The following CSMD2 variants were observed in gnomAD, a reference collection of about 807,000 sequenced individuals.
CSMD2 encodes CUB and Sushi multiple domains 2, also known as CUB and sushi domain-containing protein 2.
A neutral mutation model predicts 398.5 loss-of-function variants in CSMD2; 130 were observed. The observed-to-expected ratio is 0.33, with a 90% CI of 0.28 to 0.38. The LOEUF is 0.38. CSMD2 is among the 10% of genes least tolerant of loss of function. CSMD2 has a pLI of 1.00. For synonymous variants in CSMD2, 1,828 were observed against 1,908.5 expected, an observed-to-expected ratio of 0.96 and a Z score of 1.10; for missense variants, 3,829 against 4,764.9, an observed-to-expected ratio of 0.80 and a Z score of 5.78.
chr1:34,045,076 C>T (rs1652351745), intron 2 of CSMD2, among the ~76,000 whole-genome samples: 1 of 143,568 alleles, frequency 7.0e-6, no homozygotes, highest in African/African-American at 2.5e-5. Flanking sequence ...CACACACACA[C>T]ACCCCTACAA....
intron 13 of CSMD2, among the ~76,000 whole-genome samples, chr1:33,746,133 G>C (rs1274485096): frequency 2.6e-5 from 4 of 152,170 alleles, no homozygotes; most frequent in Non-Finnish European, 5.9e-5. Context: ...CCTCAAATCT[G>C]CTGAAGATTC....
At chr1:33,959,991 T>C (rs1411196158) in intron 3 of CSMD2, among the ~76,000 whole-genome samples, 1 of 152,218 alleles carries the variant, frequency 6.6e-6, no homozygotes, top group African/African-American at 2.4e-5. Flanking sequence ...AAGCTTTGTC[T>C]GGCAACTTGA....
At chr1:33,756,034 C>T (rs1452581792) in intron 13 of CSMD2, among the ~76,000 whole-genome samples, 2 of 152,148 alleles carry the variant, frequency 1.3e-5, no homozygotes, top group Non-Finnish European at 2.9e-5. Flanking sequence ...TCCTAAGACA[C>T]TTTGGTTCTT....
intron 7 of CSMD2, among the ~76,000 whole-genome samples, chr1:33,825,326 C>T (rs1658671177): frequency 6.6e-6 from 1 of 152,192 alleles, no homozygotes; most frequent in Non-Finnish European, 1.5e-5. Flanking sequence ...CCCCCAAGAT[C>T]CCAGCCCAAG....
At chr1:33,948,725 T>C (rs193096096) in intron 3 of CSMD2, among the ~76,000 whole-genome samples, 8 of 152,328 alleles carry the variant, frequency 5.3e-5, no homozygotes, top group African/African-American at 1.9e-4. Context: ...AAGCCAGTGT[T>C]ATATCACACA....
Position 33,559,297 on chromosome 1 carries a change from C to T in CSMD2, c.8554+3G>A, listed in dbSNP as rs1414633120. 10 of 1,534,552 alleles carry T rather than the reference C, an allele frequency of 6.5e-6. No individual in the cohort carries two copies. The highest frequency in any genetic ancestry group is 8.7e-6 in the Non-Finnish European group (10 of 1,146,740). On this transcript the variant is annotated splice_donor_region_variant and intron_variant, in intron 54 of 70. Transcript: ENST00000373381. The surrounding 1 kb of genome is among the most constrained non-coding windows in gnomAD (Gnocchi z 4.0). ...CTGGATTGGGAGAGAAAGGGTGACT[C>T]ACTTCTGCAGGTGGGCAGCATGTCA...
chr1:33,615,594 C>G (rs115431856), intron 39 of CSMD2, among the ~76,000 whole-genome samples: 2,512 of 152,306 alleles, frequency 0.016, 28 homozygotes, highest in Non-Finnish European at 0.025. Flanking sequence ...CTAGTGACAG[C>G]ACCCTTCTAA....
At chr1:33,786,888 T>C (rs2124835889) in intron 12 of CSMD2, among the ~76,000 whole-genome samples, 1 of 152,344 alleles carries the variant, frequency 6.6e-6, no homozygotes, top group South Asian at 2.1e-4. Flanking sequence ...CCTCCTGTTA[T>C]GGGGTGAACT....
At chr1:33,604,865 G>A (rs1288414527) in intron 42 of CSMD2, among the ~76,000 whole-genome samples, 1 of 152,188 alleles carries the variant, frequency 6.6e-6, no homozygotes, top group East Asian at 1.9e-4. Context: ...GGGAGCAAGA[G>A]AGTTCTTATA....
At chr1:33,689,885 T>C (rs1645177929) in intron 25 of CSMD2, among the ~76,000 whole-genome samples, 1 of 152,204 alleles carries the variant, frequency 6.6e-6, no homozygotes, top group Admixed American at 6.5e-5. Flanking sequence ...CATTTGGGTG[T>C]AGGCGGTAGG....
chr1:34,096,256 T>C (rs904566687), intron 1 of CSMD2, among the ~76,000 whole-genome samples: 1 of 151,878 alleles, frequency 6.6e-6, no homozygotes, highest in African/African-American at 2.4e-5. Flanking sequence ...TGATGGGACA[T>C]ATTTCAAAAT....
At chr1:33,672,607 G>A (rs953638637) in intron 25 of CSMD2, among the ~76,000 whole-genome samples, 1 of 152,242 alleles carries the variant, frequency 6.6e-6, no homozygotes, top group African/African-American at 2.4e-5. Flanking sequence ...CAGCTATGAA[G>A]AGAGTAGTGG....
At chr1:33,565,208 A>G (rs1334919594) in intron 53 of CSMD2, among the ~76,000 whole-genome samples, 1 of 152,210 alleles carries the variant, frequency 6.6e-6, no homozygotes, top group Non-Finnish European at 1.5e-5. Flanking sequence ...GAGAAAATCC[A>G]TCTCATATAT....
At chr1:34,031,136 G>A (rs1490920405) in intron 3 of CSMD2, among the ~76,000 whole-genome samples, 3 of 150,690 alleles carry the variant, frequency 2.0e-5, no homozygotes, top group Non-Finnish European at 3.0e-5. Flanking sequence ...CACCCAGGCT[G>A]GAGTGCAGTG....
chr1:34,160,504 C>T (rs1003786180), intron 1 of CSMD2, among the ~76,000 whole-genome samples: 1 of 152,144 alleles, frequency 6.6e-6, no homozygotes, highest in Non-Finnish European at 1.5e-5. Context: ...TCTTTGTCAT[C>T]TTATTACCTC....
At chr1:34,023,885 A>G (rs987498424) in intron 3 of CSMD2, among the ~76,000 whole-genome samples, 5 of 152,212 alleles carry the variant, frequency 3.3e-5, no homozygotes, top group African/African-American at 1.2e-4. Context: ...ACCGGGCATG[A>G]GAGCAATTTT....
chr1:33,933,510 A>G (rs1336254239), intron 4 of CSMD2, among the ~76,000 whole-genome samples: 5 of 152,386 alleles, frequency 3.3e-5, no homozygotes, highest in African/African-American at 1.2e-4. Flanking sequence ...TTTATATTTC[A>G]TAACTTAGAC....
At chr1:33,937,467 A>G (rs1258095633) in intron 3 of CSMD2, among the ~76,000 whole-genome samples, 3 of 152,180 alleles carry the variant, frequency 2.0e-5, no homozygotes, top group Non-Finnish European at 4.4e-5. Flanking sequence ...GGGAAGTGGA[A>G]GTGGGCAGGC....
At chr1:33,792,659 G>C in intron 10 of CSMD2, 133 bp from the exon 11 acceptor site, 2 of 658,336 alleles carry the variant, frequency 3.0e-6, no homozygotes, top group Non-Finnish European at 5.5e-6. Context: ...TAAACAAACT[G>C]ACCATTTCTG....
Sources: gnomAD v4.1 joint callset for allele counts (sites outside exome capture counted in the v4.1 genomes callset) on GRCh38, gnomAD v4.1.1 for gene constraint, Gnocchi (gnomAD v3.1) non-coding constraint, MANE v1.5 for transcripts, NCBI Gene and HGNC (gene_info 2026-07-23, HGNC 2026-07-21) for gene names.